Variants in ABCG1 observed in about 807,000 individuals in gnomAD.
The protein encoded by ABCG1 is ATP binding cassette subfamily G member 1.
ABCG1 carries 29 observed loss-of-function variants against 69.2 expected under a neutral mutation model. The observed-to-expected ratio is 0.42, with a 90% CI of 0.31 to 0.57. ABCG1 has a LOEUF of 0.57. Ranked by LOEUF, ABCG1 falls within the 20% of genes least tolerant of loss-of-function variation. The probability of loss-of-function intolerance (pLI) is 0.15; values close to 1 mark genes in which losing one functional copy is unlikely to be tolerated. For synonymous variants in ABCG1, 370 were observed against 374.8 expected, an observed-to-expected ratio of 0.99 and a Z score of 0.15; for missense variants, 718 against 898.1, an observed-to-expected ratio of 0.80 and a Z score of 2.56.
Position 42,291,222 on chromosome 21 carries a change from C to A in ABCG1, c.1494+30C>A. On this transcript the variant is annotated intron_variant, in intron 12 of 14. Transcript: ENST00000398449. The surrounding 1 kb of genome is among the most constrained non-coding windows in gnomAD (Gnocchi z 6.4). ...GTTAGCCAGGGGCTGGAATTTGAAA[C>A]GGGGGCAAGAGTTCTCCTGTACACC... 1 of 1,553,984 alleles carries A rather than the reference C, an allele frequency of 6.4e-7. No homozygotes were observed. Among genetic ancestry groups the A allele is most frequent in the Non-Finnish European group, 8.8e-7 (1 of 1,130,518 alleles).
intron 2 of ABCG1, among the ~76,000 whole-genome samples, chr21:42,210,184 G>A (rs1022245495): frequency 6.6e-6 from 1 of 152,192 alleles, no homozygotes; most frequent in Non-Finnish European, 1.5e-5. Flanking sequence ...AAGTCCCTGC[G>A]AGAACTCTGA....
chr21:42,219,454 T>C lies in ABCG1; in HGVS notation c.42+150T>C. 1 of 1,168,512 alleles carries C rather than the reference T, an allele frequency of 8.6e-7. No individual in the cohort carries two copies. Among genetic ancestry groups the C allele is most frequent in the Non-Finnish European group, 1.2e-6 (1 of 863,696 alleles). 72.4% of individuals were successfully genotyped at this position (1,168,512 alleles called of 1,614,324 possible). On this transcript the variant is annotated intron_variant, in intron 1 of 14. Coordinates refer to ENST00000398449, the MANE Select transcript of ABCG1 (RefSeq NM_016818.3). The surrounding 1 kb of genome is among the most constrained non-coding windows in gnomAD (Gnocchi z 5.3). ...AGGGCACCCTAGAGTGGCGCCCGGC[T>C]CCGATCGCTGCCCCTGCCCCTCCGC...
chr21:42,282,026 CAGCCTCTGGGCAGTGCAG>C (rs1393701311), intron 5 of ABCG1, among the ~76,000 whole-genome samples: 3 of 152,248 alleles, frequency 2.0e-5, no homozygotes, highest in African/African-American at 7.2e-5. Flanking sequence ...CACTGTTGCA[CAGCCTCTGGGCAGTGCAG>C]AGCCTCTGGG....
rs66675434 is a variant in ABCG1, at chr21:42,296,624, G to GGT, written c.*232_*233insGT. ...CTAGGAAGATGTAGGCAGATTGGTG[G>GGT]TTTTTTTTTTTTTAACATACAGAAT... On this transcript the variant is annotated 3_prime_UTR_variant, in exon 15 of 15. Transcript: ENST00000398449. The surrounding 1 kb of genome is among the most constrained non-coding windows in gnomAD (Gnocchi z 5.4). 2.1e-4 allele frequency: 91 copies of GGT among 434,416 alleles called. No homozygotes were observed. The South Asian group carries it at 2.5e-3, about 12-fold the overall frequency. 26.9% of individuals were successfully genotyped at this position (434,416 alleles called of 1,614,324 possible).
chr21:42,274,808 C>T (rs934578530), intron 4 of ABCG1, among the ~76,000 whole-genome samples: 2 of 152,084 alleles, frequency 1.3e-5, no homozygotes, highest in Admixed American at 6.6e-5. Flanking sequence ...CAACTCATGG[C>T]GACTGAAACC....
chr21:42,259,012 C>G (rs959826390), intron 2 of ABCG1, among the ~76,000 whole-genome samples: 1 of 152,196 alleles, frequency 6.6e-6, no homozygotes, highest in Non-Finnish European at 1.5e-5. Flanking sequence ...CAGTGCTTTC[C>G]CTTGTTCCTG....
Position 42,291,732 on chromosome 21 carries a change from C to T in ABCG1, c.1653+76C>T. On this transcript the variant is annotated intron_variant, in intron 13 of 14. Coordinates refer to ENST00000398449, the MANE Select transcript of ABCG1 (RefSeq NM_016818.3). This position sits in a 1 kb window ranked among gnomAD's most constrained non-coding sequence, Gnocchi z 6.4. ...AGCTACCTTGGCCTGAGCTAGGGGGCTCTGCCACCCCTTCCCCTACTTCTG... is the reference window on the plus strand; with the variant it reads ...AGCTACCTTGGCCTGAGCTAGGGGGTTCTGCCACCCCTTCCCCTACTTCTG... 2.8e-6 allele frequency: 4 copies of T among 1,443,554 alleles called. No individual in the cohort carries two copies. In the South Asian group the frequency reaches 5.5e-5, roughly 20 times the overall value. The allele number at this position is 1,443,554 out of a possible 1,614,324, so 89.4% of individuals were successfully genotyped here.
At chr21:42,285,731 G>A in intron 7 of ABCG1, 149 bp from the exon 8 acceptor site, 1 of 658,600 alleles carries the variant, frequency 1.5e-6, no homozygotes, top group Non-Finnish European at 2.7e-6. Flanking sequence ...GCCCTTGGGG[G>A]TGATGTAAAG....
At chr21:42,250,494 G>C (rs2068202734) in intron 2 of ABCG1, among the ~76,000 whole-genome samples, 1 of 152,192 alleles carries the variant, frequency 6.6e-6, no homozygotes, top group Admixed American at 6.5e-5. Flanking sequence ...CAAACGTGGA[G>C]GAGCACAGTC....
chr21:42,291,480 A>G lies in ABCG1; in HGVS notation c.1495-18A>G, dbSNP rs781361125. On this transcript the variant is annotated intron_variant, in intron 12 of 14. Coordinates refer to ENST00000398449, the MANE Select transcript of ABCG1 (RefSeq NM_016818.3). This position sits in a 1 kb window ranked among gnomAD's most constrained non-coding sequence, Gnocchi z 6.4. ...TGGGAAGCGGCTGAGCCCGCGGCTG[A>G]CGGGTCCTTGTTTCCAGATCATGTT... 6.2e-7 allele frequency: 1 copy of G among 1,600,162 alleles called. No homozygotes were observed. The highest frequency in any genetic ancestry group is 8.5e-7 in the Non-Finnish European group (1 of 1,169,614).
Position 42,291,207 on chromosome 21 carries a change from G to A in ABCG1, c.1494+15G>A, listed in dbSNP as rs1009443014. On this transcript the variant is annotated intron_variant, in intron 12 of 14. Coordinates refer to ENST00000398449, the MANE Select transcript of ABCG1 (RefSeq NM_016818.3). This position sits in a 1 kb window ranked among gnomAD's most constrained non-coding sequence, Gnocchi z 6.4. ...TGCCCTTTCAGGTGTGTTAGCCAGG[G>A]GCTGGAATTTGAAACGGGGGCAAGA... is the stretch of plus-strand genomic sequence containing the variant. 2 of 1,603,518 alleles carry A rather than the reference G, an allele frequency of 1.2e-6. No individual in the cohort carries two copies. The highest frequency in any genetic ancestry group is 1.7e-6 in the Non-Finnish European group (2 of 1,171,344).
chr21:42,208,826 CT>C (rs2067564024), intron 2 of ABCG1, among the ~76,000 whole-genome samples: 1 of 152,200 alleles, frequency 6.6e-6, no homozygotes, highest in Non-Finnish European at 1.5e-5. Context: ...TGTTTTTCTC[CT>C]AAAGCCTTTA....
intron 5 of ABCG1, 146 bp from the exon 6 acceptor site, chr21:42,282,128 T>G: frequency 9.5e-7 from 1 of 1,053,678 alleles, no homozygotes; most frequent in Non-Finnish European, 1.3e-6. Flanking sequence ...CAGCCTGGAG[T>G]GGGTTCGACT....
At chr21:42,238,398 C>T (rs225446) in intron 2 of ABCG1, among the ~76,000 whole-genome samples, 80,517 of 151,934 alleles carry the variant, frequency 0.53, 23,225 homozygotes, top group African/African-American at 0.77. Context: ...CCAAGAGAAT[C>T]TTTGTATGGT....
At chr21:42,279,830 T>G (rs553452076) in intron 5 of ABCG1, among the ~76,000 whole-genome samples, 3 of 152,142 alleles carry the variant, frequency 2.0e-5, no homozygotes, top group Non-Finnish European at 4.4e-5. Flanking sequence ...GGCATCTTGG[T>G]GGAGAATGGA....
At chr21:42,271,872 G>A (rs984313781) in intron 3 of ABCG1, among the ~76,000 whole-genome samples, 3 of 152,188 alleles carry the variant, frequency 2.0e-5, no homozygotes, top group Non-Finnish European at 2.9e-5. Context: ...TGACAAGAGC[G>A]AGACTCCATC....
chr21:42,245,126 C>G (rs183952755), intron 2 of ABCG1, among the ~76,000 whole-genome samples: 18 of 152,286 alleles, frequency 1.2e-4, no homozygotes, highest in Admixed American at 1.2e-3. Flanking sequence ...CCCTGGGCTG[C>G]CTGGAGGGGC....
At chr21:42,265,853 C>A (rs996746915) in intron 2 of ABCG1, among the ~76,000 whole-genome samples, 1 of 152,206 alleles carries the variant, frequency 6.6e-6, no homozygotes, top group African/African-American at 2.4e-5. Flanking sequence ...CTGGCCTCCC[C>A]CTTAGTGAGG....
At chr21:42,227,036 T>TA (rs1569208606) in intron 2 of ABCG1, among the ~76,000 whole-genome samples, 2 of 152,332 alleles carry the variant, frequency 1.3e-5, no homozygotes, top group South Asian at 4.1e-4. Context: ...TTGAGACCCT[T>TA]AGCATGGGCA....
Sources: gnomAD v4.1 joint callset for allele counts (sites outside exome capture counted in the v4.1 genomes callset) on GRCh38, gnomAD v4.1.1 for gene constraint, Gnocchi (gnomAD v3.1) non-coding constraint, MANE v1.5 for transcripts, NCBI Gene and HGNC (gene_info 2026-07-23, HGNC 2026-07-21) for gene names.